Variants in GRID2 observed in about 807,000 individuals in gnomAD.
GRID2 encodes the protein glutamate ionotropic receptor delta type subunit 2, also known as glutamate receptor ionotropic, delta-2.
In GRID2, 33 loss-of-function variants were observed where a neutral mutation model predicts 114.8. That is an observed-to-expected ratio of 0.29 (90% CI 0.22 to 0.38). The LOEUF (loss-of-function observed/expected upper bound fraction) is 0.38. Ranked by LOEUF, GRID2 falls within the 10% of genes least tolerant of loss-of-function variation. GRID2 has a pLI of 1.00. For missense variants in GRID2, 1,184 were observed against 1,257.7 expected (o/e 0.94, Z 0.89); for synonymous variants, 505 against 449.9 (o/e 1.12, Z -1.55).
rs115341726 is a variant in GRID2, at chr4:92,404,058, C to T, written c.88+99314C>T. On this transcript the variant is annotated intron_variant, in intron 1 of 15. Coordinates refer to ENST00000282020, the MANE Select transcript of GRID2 (RefSeq NM_001510.4). ...TATTGTGAGAATTACCAAAACGTGA[C>T]GCAGAGACATGAAGTGAACACAAGC... Among the ~76,000 whole-genome samples, 1,031 of 152,054 alleles carry T rather than the reference C, an allele frequency of 6.8e-3. 15 individuals are homozygous for T. The highest frequency in any genetic ancestry group is 0.024 in the African/African-American group (986 of 41,468).
chr4:93,314,115 G>A (rs1422251936), intron 8 of GRID2, among the ~76,000 whole-genome samples: 1 of 151,802 alleles, frequency 6.6e-6, no homozygotes, highest in Non-Finnish European at 1.5e-5. Context: ...GACAAGCCTG[G>A]CCAACATAGT....
intron 1 of GRID2, among the ~76,000 whole-genome samples, chr4:92,348,623 G>A (rs867003530): frequency 1.3e-5 from 2 of 152,246 alleles, no homozygotes; most frequent in South Asian, 4.1e-4. Flanking sequence ...AAATAGGGGT[G>A]TAGAAATACA....
At chr4:93,048,811 C>T (rs550549043) in intron 2 of GRID2, among the ~76,000 whole-genome samples, 3 of 152,132 alleles carry the variant, frequency 2.0e-5, no homozygotes, top group African/African-American at 7.2e-5. Flanking sequence ...ATGGTCCAGG[C>T]AGCCTTGACA....
chr4:92,609,586 G>A lies in GRID2; in HGVS notation c.244+19300G>A, dbSNP rs1365070375. Among the ~76,000 whole-genome samples, 3 of 150,876 alleles carry A rather than the reference G, an allele frequency of 2.0e-5. No individual in the cohort carries two copies. The East Asian group carries it at 5.9e-4, about 30-fold the overall frequency. On this transcript the variant is annotated intron_variant, in intron 2 of 15. Transcript: ENST00000282020. ...GCAAAAGTGATGTGGCTCTCCAGTG[G>A]AAAGCAGAGTGTACAACAGTTACTG...
rs553675915 is a variant in GRID2 at position 92,629,844 on chromosome 4, A to G, written c.244+39558A>G. Among the ~76,000 whole-genome samples the G allele has an allele frequency of 4.9e-3, 723 of 148,028 alleles. 9 individuals are homozygous for G. Among genetic ancestry groups the G allele is most frequent in the African/African-American group, 0.017 (679 of 40,888 alleles). ...GATAAAATTGTAGGTTTTATTCACAATAACACAATGAAAGTAATTATATAA... is the reference window on the plus strand; with the variant it reads ...GATAAAATTGTAGGTTTTATTCACAGTAACACAATGAAAGTAATTATATAA... On this transcript the variant is annotated intron_variant, in intron 2 of 15. Transcript: ENST00000282020.
At chr4:92,825,973 G>A (rs1386057077) in intron 2 of GRID2, among the ~76,000 whole-genome samples, 1 of 152,040 alleles carries the variant, frequency 6.6e-6, no homozygotes, top group Non-Finnish European at 1.5e-5. Context: ...GTTCCAACTT[G>A]GCACTCCTTC....
intron 13 of GRID2, among the ~76,000 whole-genome samples, chr4:93,575,997 G>T (rs1736384968): frequency 6.6e-6 from 1 of 152,102 alleles, no homozygotes; most frequent in Non-Finnish European, 1.5e-5. Context: ...TTGGTAATCT[G>T]AGTTAAATAC....
At chr4:93,736,303 C>A (rs997262535) in intron 14 of GRID2, among the ~76,000 whole-genome samples, 40 of 151,928 alleles carry the variant, frequency 2.6e-4, no homozygotes, top group Non-Finnish European at 4.9e-4. Flanking sequence ...CTGCTAGGCA[C>A]TCCTCTAAGC....
chr4:92,389,403 T>A (rs1047202378), intron 1 of GRID2, among the ~76,000 whole-genome samples: 4 of 152,016 alleles, frequency 2.6e-5, no homozygotes, highest in African/African-American at 9.7e-5. Flanking sequence ...TGAATCTGAT[T>A]CCCTTCACTA....
chr4:92,377,512 T>C (rs1371861392), intron 1 of GRID2, among the ~76,000 whole-genome samples: 2 of 152,178 alleles, frequency 1.3e-5, no homozygotes, highest in Non-Finnish European at 2.9e-5. Context: ...CTCTGCCTGT[T>C]ACCCAGTTCC....
chr4:92,956,912 T>C (rs1038063612), intron 2 of GRID2, among the ~76,000 whole-genome samples: 4 of 152,220 alleles, frequency 2.6e-5, no homozygotes, highest in African/African-American at 9.6e-5. Flanking sequence ...TAATGACATA[T>C]GATGTGGAGC....
chr4:93,285,859 T>C (rs1330323890), intron 8 of GRID2, among the ~76,000 whole-genome samples: 2 of 152,022 alleles, frequency 1.3e-5, no homozygotes, highest in African/African-American at 4.8e-5. Flanking sequence ...CAATTTATGT[T>C]GCTTGAAAAT....
intron 14 of GRID2, among the ~76,000 whole-genome samples, chr4:93,670,792 A>C (rs1193209340): frequency 6.6e-6 from 1 of 152,204 alleles, no homozygotes; most frequent in South Asian, 2.1e-4. Flanking sequence ...AAAAGAACCC[A>C]CTACTAATCT....
chr4:92,574,098 C>A (rs1003950096), intron 1 of GRID2, among the ~76,000 whole-genome samples: 5 of 151,840 alleles, frequency 3.3e-5, no homozygotes, highest in Non-Finnish European at 7.4e-5. Flanking sequence ...GGTTTAAAGT[C>A]TGTTTTGTCA....
At chr4:92,983,172 T>C (rs748549908) in intron 2 of GRID2, among the ~76,000 whole-genome samples, 2 of 152,178 alleles carry the variant, frequency 1.3e-5, no homozygotes, top group Admixed American at 1.3e-4. Flanking sequence ...ACAACAATAT[T>C]GATATATAAC....
At chr4:93,481,849 G>A (rs1408887852) in intron 11 of GRID2, among the ~76,000 whole-genome samples, 1 of 152,004 alleles carries the variant, frequency 6.6e-6, no homozygotes, top group South Asian at 2.1e-4. Flanking sequence ...AGCAGGGTCA[G>A]TGCATCTTAG....
chr4:93,183,480 T>G (rs969943606), intron 4 of GRID2, among the ~76,000 whole-genome samples: 1 of 152,216 alleles, frequency 6.6e-6, no homozygotes, highest in Admixed American at 6.5e-5. Context: ...AAAGAGTCCC[T>G]GTAGCTACTA....
At chr4:92,731,017 A>C (rs1465438837) in intron 2 of GRID2, among the ~76,000 whole-genome samples, 1 of 151,876 alleles carries the variant, frequency 6.6e-6, no homozygotes, top group Non-Finnish European at 1.5e-5. Context: ...CTAATTTCCA[A>C]CTTTAGGAAT....
intron 2 of GRID2, among the ~76,000 whole-genome samples, chr4:92,900,290 G>T (rs1289591774): frequency 6.6e-6 from 1 of 152,026 alleles, no homozygotes; most frequent in Non-Finnish European, 1.5e-5. Flanking sequence ...AAATTTAGGG[G>T]GTACGAGTGC....
Sources: allele counts gnomAD v4.1 joint callset (sites outside exome capture counted in the v4.1 genomes callset), GRCh38; gene constraint gnomAD v4.1.1; transcripts MANE v1.5; gene names NCBI Gene and HGNC (gene_info 2026-07-23, HGNC 2026-07-21).